SDK2: variants seen among roughly 807,000 people sequenced by gnomAD.
SDK2 encodes protein sidekick-2.
Under a neutral mutation model 253.9 loss-of-function variants are expected in SDK2, and 105 were observed. The ratio of observed to expected loss-of-function variants is 0.41; its 90% CI spans 0.35 to 0.49. SDK2 has a LOEUF of 0.49. Among genes scored for constraint, SDK2 ranks in the 20% least tolerant of loss-of-function variants. The probability of loss-of-function intolerance (pLI) is 0.06; values close to 1 mark genes in which losing one functional copy is unlikely to be tolerated. For synonymous variants in SDK2, 1,249 were observed against 1,234.9 expected (o/e 1.01, Z -0.24); for missense variants, 2,608 against 3,003.0 (o/e 0.87, Z 3.07).
At chr17:73,386,403 C>T in intron 31 of SDK2, 42 bp downstream of exon 31, 1 of 1,362,636 alleles carries the variant, frequency 7.3e-7, no homozygotes, top group Non-Finnish European at 1.0e-6. Flanking sequence ...CAGGAAGCAG[C>T]CAGTGGGCTG....
chr17:73,358,279 G>A, intron 39 of SDK2, 75 bp from the exon 40 acceptor site: 2 of 1,529,700 alleles, frequency 1.3e-6, no homozygotes, highest in Non-Finnish European at 1.7e-6. Flanking sequence ...TGGGCTCGAG[G>A]AGGAACACTG....
At chr17:73,423,201 G>C (rs1401469520) in intron 14 of SDK2, among the ~76,000 whole-genome samples, 185 bp downstream of exon 14, 2 of 152,206 alleles carry the variant, frequency 1.3e-5, no homozygotes, top group Admixed American at 6.5e-5. Flanking sequence ...TCTTTCAACT[G>C]TAACAGGGCC....
At chr17:73,423,686 C>T (rs1311113109) in intron 13 of SDK2, among the ~76,000 whole-genome samples, 164 bp from the exon 14 acceptor site, 1 of 152,176 alleles carries the variant, frequency 6.6e-6, no homozygotes, top group African/African-American at 2.4e-5. Flanking sequence ...CTCTCTGGAA[C>T]CAGAGCCCTC....
At chr17:73,623,038 C>A (rs920105427) in intron 1 of SDK2, among the ~76,000 whole-genome samples, 2 of 152,230 alleles carry the variant, frequency 1.3e-5, no homozygotes, top group African/African-American at 4.8e-5. Context: ...TCCCTACATT[C>A]CAGTGACTAA....
intron 28 of SDK2, 88 bp from the exon 29 acceptor site, chr17:73,390,569 G>A (rs1443593400): frequency 3.0e-6 from 4 of 1,353,994 alleles, no homozygotes; most frequent in African/African-American, 2.9e-5. Context: ...CAAAGCCACA[G>A]CTGTGTCTGT....
In SDK2 at chr17:73,496,859, C is replaced by T. The variant is rs1274069801; in HGVS notation, c.224+10579G>A. On this transcript the variant is annotated intron_variant, in intron 2 of 44. Transcript: ENST00000392650. This position sits in a 1 kb window ranked among gnomAD's most constrained non-coding sequence, Gnocchi z 4.7. The stretch of plus-strand genomic sequence containing the variant: ...CCTCCCCCTCCTGAAGGTCACCAGA[C>T]TTCTATGTCCCTAAATTGAGCTGAC... Among the ~76,000 whole-genome samples, 2 of 152,132 alleles carry T rather than the reference C, an allele frequency of 1.3e-5. No individual in the cohort carries two copies. Among genetic ancestry groups the T allele is most frequent in the African/African-American group, 4.8e-5 (2 of 41,422 alleles).
At chr17:73,427,113 C>G (rs1299068460) in intron 12 of SDK2, among the ~76,000 whole-genome samples, 2 of 151,960 alleles carry the variant, frequency 1.3e-5, no homozygotes, top group Non-Finnish European at 2.9e-5. Context: ...AAGAAATAGC[C>G]TATGGCAAGC....
intron 1 of SDK2, among the ~76,000 whole-genome samples, chr17:73,583,355 C>T (rs991880613): frequency 2.6e-5 from 4 of 152,180 alleles, no homozygotes; most frequent in Admixed American, 1.3e-4. Context: ...TCTAACCTCC[C>T]ATCTTCTCTC....
intron 1 of SDK2, among the ~76,000 whole-genome samples, chr17:73,623,547 G>A (rs1049613219): frequency 1.3e-5 from 2 of 152,170 alleles, no homozygotes; most frequent in East Asian, 1.9e-4. Context: ...ACAAGACTGA[G>A]GAAATAAGAT....
intron 1 of SDK2, among the ~76,000 whole-genome samples, chr17:73,615,084 GTTA>G (rs2046036779): frequency 6.6e-6 from 1 of 151,632 alleles, no homozygotes; most frequent in Non-Finnish European, 1.5e-5. Context: ...CCACCTCTAG[GTTA>G]TTATTTTTCT....
rs565168909 is a variant in SDK2, at chr17:73,599,183, T to C, written c.64+44842A>G. On this transcript the variant is annotated intron_variant, in intron 1 of 44. Coordinates refer to ENST00000392650, the MANE Select transcript of SDK2 (RefSeq NM_001144952.2). The stretch of plus-strand genomic sequence containing the variant: ...CCACTGATGTGTCTCTTGTAGTGCT[T>C]AGTACATTCGTACAGAAGGAGGAAG... Among the ~76,000 whole-genome samples, 4 of 152,314 alleles carry C rather than the reference T, an allele frequency of 2.6e-5. No individual in the cohort carries two copies. The East Asian group carries it at 5.8e-4, about 22-fold the overall frequency.
intron 1 of SDK2, among the ~76,000 whole-genome samples, chr17:73,577,891 T>C (rs1338298903): frequency 6.6e-6 from 1 of 152,070 alleles, no homozygotes; most frequent in Non-Finnish European, 1.5e-5. Context: ...AGGGAGACTA[T>C]CCTGAATTCT....
Position 73,358,069 on chromosome 17 carries a change from C to T in SDK2, c.5593+10G>A, listed in dbSNP as rs374087560. On this transcript the variant is annotated intron_variant, in intron 40 of 44. Transcript: ENST00000392650. ...GCTGTGGGGTCTCAGCCCAGCAGGG[C>T]GGGGCGCACCTGAAGGTCTGGCCTC... 12 of 1,612,992 alleles carry T rather than the reference C, an allele frequency of 7.4e-6. No homozygotes were observed. The South Asian group carries it at 8.8e-5, about 12-fold the overall frequency.
chr17:73,472,667 T>A (rs1194624932), intron 2 of SDK2, among the ~76,000 whole-genome samples: 1 of 152,212 alleles, frequency 6.6e-6, no homozygotes, highest in Admixed American at 6.5e-5. Flanking sequence ...TTTTCCCAAA[T>A]GCTCAGTATC....
At position 73,430,594 on chromosome 17, in the gene SDK2, C is replaced by A; in HGVS notation, c.1500G>T (p.Lys500Asn). Residue 500 changes from lysine (K) to asparagine (N), a missense_variant, in exon 12 of 45, where the codon AAG becomes AAT. Physicochemically the swap from Lys to Asn is moderately conservative, Grantham distance 94. Transcript: ENST00000392650. ...LVVWARTRITKPPQDQSVIKG... is the reference protein window; with the variant it reads ...LVVWARTRITNPPQDQSVIKG... ...TGATGACACTCTGATCCTGGGGGGGCTTGGTGATGCGGGTCCGAGCTGAAA... is the reference window on the plus strand; with the variant it reads ...TGATGACACTCTGATCCTGGGGGGGATTGGTGATGCGGGTCCGAGCTGAAA... 1 of 1,578,254 alleles carries A rather than the reference C, an allele frequency of 6.3e-7. No individual in the cohort carries two copies.
chr17:73,470,838 T>G (rs1160185595), intron 3 of SDK2, among the ~76,000 whole-genome samples: 1 of 152,216 alleles, frequency 6.6e-6, no homozygotes, highest in Non-Finnish European at 1.5e-5. Context: ...ATTGCCACCC[T>G]GTTATGTCCC....
chr17:73,640,174 C>G (rs1390406905), intron 1 of SDK2, among the ~76,000 whole-genome samples: 1 of 152,014 alleles, frequency 6.6e-6, no homozygotes. Context: ...GGTTCCTGGC[C>G]CCTATGCCGG....
chr17:73,567,982 A>G lies in SDK2; in HGVS notation c.65-60385T>C, dbSNP rs942043912. Among the ~76,000 whole-genome samples, 4 of 152,244 alleles carry G rather than the reference A, an allele frequency of 2.6e-5. No homozygotes were observed. The East Asian group carries it at 5.8e-4, about 22-fold the overall frequency. On this transcript the variant is annotated intron_variant, in intron 1 of 44. Transcript: ENST00000392650. Reference sequence around the variant, plus strand: ...TTAGACTTTCAAGGACTATTGGAAAAAAATGATTATATTTTACAATGTAAA... The same window carrying G: ...TTAGACTTTCAAGGACTATTGGAAAGAAATGATTATATTTTACAATGTAAA...
At chr17:73,387,800 G>A (rs1469348082) in intron 30 of SDK2, 36 bp downstream of exon 30, 3 of 1,506,484 alleles carry the variant, frequency 2.0e-6, no homozygotes, top group East Asian at 2.5e-5. Context: ...GCGGGGAGAG[G>A]GGCAGTGGGG....
Sources: allele counts gnomAD v4.1 joint callset (sites outside exome capture counted in the v4.1 genomes callset), GRCh38; gene constraint gnomAD v4.1.1; non-coding constraint Gnocchi (gnomAD v3.1); transcripts MANE v1.5; gene names NCBI Gene and HGNC (gene_info 2026-07-23, HGNC 2026-07-21).